The following SNAP91 variants were observed in gnomAD, a reference collection of about 807,000 sequenced individuals.
The protein encoded by SNAP91 is clathrin coat assembly protein AP180.
In SNAP91, 27 loss-of-function variants were observed where a neutral mutation model predicts 100.3. That is an observed-to-expected ratio of 0.27 (90% CI 0.20 to 0.37). The LOEUF (loss-of-function observed/expected upper bound fraction) is 0.37, where lower values mean the gene tolerates loss of function less well. SNAP91 is among the 10% of genes least tolerant of loss of function. SNAP91 has a pLI of 1.00. For missense variants in SNAP91, 986 were observed against 1,123.7 expected, an observed-to-expected ratio of 0.88 and a Z score of 1.75; for synonymous variants, 404 against 398.6, an observed-to-expected ratio of 1.01 and a Z score of -0.16.
chr6:83,690,199 G>T, intron 2 of SNAP91: 1 of 846,520 alleles, frequency 1.2e-6, no homozygotes, highest in Non-Finnish European at 1.5e-6. Flanking sequence ...TTGAATATTT[G>T]AATTTTTTTC....
intron 12 of SNAP91, among the ~76,000 whole-genome samples, chr6:83,608,711 A>AG (rs964242279): frequency 6.6e-6 from 1 of 152,134 alleles, no homozygotes; most frequent in Non-Finnish European, 1.5e-5. Flanking sequence ...GAAAAAAAAA[A>AG]CTGAGGAGAT....
chr6:83,640,965 T>C lies in SNAP91; in HGVS notation c.765+131A>G, dbSNP rs73486919. 784 of 507,990 alleles carry C rather than the reference T, an allele frequency of 1.5e-3. 1 individual carries two copies. Among genetic ancestry groups the C allele is most frequent in the African/African-American group, 0.014 (695 of 49,506 alleles). 31.5% of individuals were successfully genotyped at this position (507,990 alleles called of 1,614,324 possible). A position where few individuals can be genotyped will look rare whatever the true frequency, so the allele number is the denominator to read the frequency against. On this transcript the variant is annotated intron_variant, in intron 8 of 29. Transcript: ENST00000369694. ...CTTCCAAAGTCACTTCCAACCTTAA[T>C]ATACTGTGACTCCGAGGCACTTCCA...
chr6:83,610,536 A>G lies in SNAP91; in HGVS notation c.912+114T>C, dbSNP rs1420869634. 2.0e-5 allele frequency: 7 copies of G among 345,336 alleles called. No individual in the cohort carries two copies. In the South Asian group the frequency reaches 3.5e-4, roughly 17 times the overall value. The allele number at this position is 345,336 out of a possible 1,614,324, so 21.4% of individuals were successfully genotyped here. A position where few individuals can be genotyped will look rare whatever the true frequency, so the allele number is the denominator to read the frequency against. ...AAAAAAGTTCCGGAAATGGATAGAG[A>G]GGATGGTTGTACAACAATGTTAAGG... is the stretch of plus-strand genomic sequence containing the variant. On this transcript the variant is annotated intron_variant, in intron 12 of 29. Coordinates refer to ENST00000369694, the MANE Select transcript of SNAP91 (RefSeq NM_001242792.2).
chr6:83,641,057 TA>T (rs2097680414), intron 8 of SNAP91, 38 bp downstream of exon 8: 2 of 1,181,748 alleles, frequency 1.7e-6, no homozygotes, highest in Non-Finnish European at 1.2e-6. Context: ...AGCAAATATT[TA>T]AAAAATTATA....
Position 83,659,990 on chromosome 6 carries a change from G to A in SNAP91, c.453-898C>T, listed in dbSNP as rs530545403. Among the ~76,000 whole-genome samples, 156 of 152,328 alleles carry A rather than the reference G, an allele frequency of 1.0e-3. 1 individual carries two copies. The highest frequency in any genetic ancestry group is 3.6e-3 in the African/African-American group (148 of 41,584). On this transcript the variant is annotated intron_variant, in intron 5 of 29. Transcript: ENST00000369694. ...TTGTCTCCACCTTCAGGTCTCTTAG[G>A]AAGCCCTTGTATCCAGTGATGGTGA...
At chr6:83,658,425 T>C (rs1476708042) in intron 6 of SNAP91, among the ~76,000 whole-genome samples, 1 of 151,906 alleles carries the variant, frequency 6.6e-6, no homozygotes, top group Non-Finnish European at 1.5e-5. Flanking sequence ...CTGGCTAGCA[T>C]GGTGAGATGC....
intron 2 of SNAP91, among the ~76,000 whole-genome samples, chr6:83,700,866 G>A (rs879008367): frequency 6.6e-6 from 1 of 152,058 alleles, no homozygotes; most frequent in Admixed American, 6.6e-5. Flanking sequence ...CCAGAGTGTT[G>A]GTATTACAGG....
rs199579060 is a variant in SNAP91, at chr6:83,703,153, GGT to G, written c.130+4643_130+4644del. On this transcript the variant is annotated intron_variant, in intron 2 of 29. Coordinates refer to ENST00000369694, the MANE Select transcript of SNAP91 (RefSeq NM_001242792.2). ...ATGTTCTGGTACAGTAAAGTGAGAGGGTGTGTTTTTTTTTTTTTTTTAAACTA... is the reference window on the plus strand; with the variant it reads ...ATGTTCTGGTACAGTAAAGTGAGAGGGTGTTTTTTTTTTTTTTTTAAACTA... Among the ~76,000 whole-genome samples, 131 of 141,708 alleles carry G rather than the reference GGT, an allele frequency of 9.2e-4. 1 individual carries two copies. The highest frequency in any genetic ancestry group is 3.6e-3 in the East Asian group (15 of 4,176). The allele number at this position is 141,708 out of a possible 152,430, so 93.0% of individuals were successfully genotyped here.
intron 2 of SNAP91, among the ~76,000 whole-genome samples, chr6:83,700,091 T>C (rs989614426): frequency 2.0e-5 from 3 of 152,198 alleles, no homozygotes; most frequent in African/African-American, 7.2e-5. Flanking sequence ...TTAAAAACAC[T>C]GAATAATAAC....
intron 7 of SNAP91, among the ~76,000 whole-genome samples, chr6:83,646,327 T>C (rs903007507): frequency 6.6e-6 from 1 of 152,220 alleles, no homozygotes; most frequent in Non-Finnish European, 1.5e-5. Flanking sequence ...TTTTCTCCTA[T>C]GTTACCTTCC....
chr6:83,688,325 G>C (rs1252450498), intron 2 of SNAP91, among the ~76,000 whole-genome samples: 1 of 152,076 alleles, frequency 6.6e-6, no homozygotes, highest in African/African-American at 2.4e-5. Flanking sequence ...TCTACTGTTT[G>C]AAACTCTGCA....
intron 7 of SNAP91, among the ~76,000 whole-genome samples, chr6:83,654,525 A>G (rs1305902172): frequency 1.3e-5 from 2 of 152,188 alleles, no homozygotes; most frequent in East Asian, 1.9e-4. Flanking sequence ...TGTTTTAGCT[A>G]TCTGAGTGGA....
At chr6:83,647,155 C>T (rs1029834569) in intron 7 of SNAP91, among the ~76,000 whole-genome samples, 1 of 151,004 alleles carries the variant, frequency 6.6e-6, no homozygotes, top group South Asian at 2.1e-4. Flanking sequence ...AGTCTTATTG[C>T]TCCATCCCAA....
chr6:83,627,803 A>G (rs1396771501), intron 8 of SNAP91, among the ~76,000 whole-genome samples: 3 of 151,380 alleles, frequency 2.0e-5, no homozygotes, highest in African/African-American at 7.3e-5. Flanking sequence ...ACCAATTTTT[A>G]TTTCATTGAT....
chr6:83,601,341 T>C lies in SNAP91; in HGVS notation c.1254A>G (p.Ala418=), dbSNP rs371089913. The C allele has an allele frequency of 6.2e-7, 1 of 1,613,614 alleles. No homozygotes were observed. The highest frequency in any genetic ancestry group is 8.5e-7 in the Non-Finnish European group (1 of 1,179,776). Residue 418 remains alanine (A), a synonymous_variant, in exon 16 of 30, where the codon GCA becomes GCG. Transcript: ENST00000369694. ...PTPPTTTAEI[A]TASASASTTT... ...TAGTGGAGGCAGAAGCTGAGGCAGT[T>C]GCAATTTCAGCAGTTGTAGTAGGAG...
chr6:83,624,425 T>C (rs967281483), intron 8 of SNAP91, among the ~76,000 whole-genome samples: 6 of 152,220 alleles, frequency 3.9e-5, no homozygotes, highest in Non-Finnish European at 8.8e-5. Context: ...AGAGCTTTGA[T>C]TATACTGATG....
chr6:83,610,742 T>TATAA lies in SNAP91; in HGVS notation c.885-66_885-65insTTAT, dbSNP rs2095988803. The TATAA allele has an allele frequency of 1.4e-4, 21 of 155,082 alleles. No individual in the cohort carries two copies. The South Asian group carries it at 3.6e-3, about 27-fold the overall frequency. 9.6% of individuals were successfully genotyped at this position (155,082 alleles called of 1,614,324 possible). A position where few individuals can be genotyped will look rare whatever the true frequency, so the allele number is the denominator to read the frequency against. On this transcript the variant is annotated intron_variant, in intron 11 of 29. Transcript: ENST00000369694. ...ATATATATATATATATATATATATA[T>TATAA]ATATAAATATATATGTGAATATATT... is the stretch of plus-strand genomic sequence containing the variant.
chr6:83,576,094 C>G, intron 24 of SNAP91, 41 bp from the exon 25 acceptor site: 4 of 1,051,452 alleles, frequency 3.8e-6, no homozygotes, highest in Non-Finnish European at 5.6e-6. Context: ...AATCTCTACA[C>G]TCAGTTTATA....
At chr6:83,614,953 G>T in intron 10 of SNAP91, 91 bp from the exon 11 acceptor site, 1 of 1,063,354 alleles carries the variant, frequency 9.4e-7, no homozygotes, top group South Asian at 1.6e-5. Flanking sequence ...ATAAGCAAAA[G>T]ACAAGTTCAA....
Sources: gnomAD v4.1 joint callset for allele counts (sites outside exome capture counted in the v4.1 genomes callset) on GRCh38, gnomAD v4.1.1 for gene constraint, MANE v1.5 for transcripts, NCBI Gene and HGNC (gene_info 2026-07-23, HGNC 2026-07-21) for gene names.